SLC12A1: variants seen among roughly 807,000 people sequenced by gnomAD.
The protein encoded by SLC12A1 is Na-K-2Cl cotransporter.
Under a neutral mutation model 130.4 loss-of-function variants are expected in SLC12A1, and 89 were observed. The ratio of observed to expected loss-of-function variants is 0.68; its 90% CI spans 0.58 to 0.81. The LOEUF is 0.81. Ranked by LOEUF, SLC12A1 falls within the 40% of genes least tolerant of loss-of-function variation. The pLI is 0.00. For synonymous variants in SLC12A1, 499 were observed against 460.0 expected, an observed-to-expected ratio of 1.08 and a Z score of -1.09; for missense variants, 1,310 against 1,336.4, an observed-to-expected ratio of 0.98 and a Z score of 0.31.
Position 48,267,691 on chromosome 15 carries a change from GTCT to G in SLC12A1, c.2291_2293del (p.Leu764del), listed in dbSNP as rs779610205. 6.2e-6 allele frequency: 10 copies of G among 1,613,332 alleles called. No homozygotes were observed. In the East Asian group the frequency reaches 2.2e-4, roughly 36 times the overall value. Reference sequence around the variant, plus strand: ...GACTGTTTCAGGGATGGTGTCCGAAGTCTTCTTCAGGTAAGGCTGCATTGAGGG... The same window carrying G: ...GACTGTTTCAGGGATGGTGTCCGAAGTCTTCAGGTAAGGCTGCATTGAGGG... On this transcript the variant is annotated inframe_deletion, in exon 18 of 27. Coordinates refer to ENST00000380993, the MANE Select transcript of SLC12A1 (RefSeq NM_000338.3).
At chr15:48,249,529 G>A in intron 13 of SLC12A1, 46 bp from the exon 14 acceptor site, 2 of 1,383,430 alleles carry the variant, frequency 1.4e-6, no homozygotes, top group South Asian at 2.3e-5. Flanking sequence ...TTCAGCCCCT[G>A]GTCTCATCAC....
intron 24 of SLC12A1, among the ~76,000 whole-genome samples, chr15:48,295,075 C>G (rs1348934660): frequency 1.5e-5 from 2 of 136,162 alleles, no homozygotes; most frequent in African/African-American, 5.4e-5. Context: ...CTATACCCAG[C>G]TTTTTTTTTT....
At chr15:48,236,972 G>A (rs1207217909) in intron 9 of SLC12A1, 4 of 699,772 alleles carry the variant, frequency 5.7e-6, no homozygotes, top group Non-Finnish European at 1.0e-5. Flanking sequence ...CTCACTGAGT[G>A]CCTGTTCACA....
intron 5 of SLC12A1, chr15:48,227,064 TG>T (rs1567309473): frequency 1.9e-6 from 3 of 1,539,886 alleles, no homozygotes; most frequent in Non-Finnish European, 2.6e-6. Flanking sequence ...ACACCTTTCT[TG>T]GGGGATTTTG....
chr15:48,240,116 T>C (rs1490712173), intron 9 of SLC12A1, among the ~76,000 whole-genome samples: 2 of 140,126 alleles, frequency 1.4e-5, no homozygotes, highest in South Asian at 2.2e-4. Flanking sequence ...TATATCCATA[T>C]ATATATATAT....
rs2042083000 is a variant in SLC12A1, at chr15:48,288,449, T to C, written c.2806T>C (p.Trp936Arg). 1 of 1,554,000 alleles carries C rather than the reference T, an allele frequency of 6.4e-7. No individual in the cohort carries two copies. Among genetic ancestry groups the C allele is most frequent in the Non-Finnish European group, 8.7e-7 (1 of 1,145,796 alleles). The change falls in exon 23 of 27, where the codon TGG becomes CGG. Residue 936 changes from tryptophan (W) to arginine (R), a missense_variant. Coordinates refer to ENST00000380993, the MANE Select transcript of SLC12A1 (RefSeq NM_000338.3). ...IPYILTLRKK[W>R]KDCKLRIYVG... ...CTATATCTTAACTCTCAGAAAAAAA[T>C]GGAAAGACTGTAAATTAAGAATCTA...
intron 4 of SLC12A1, 152 bp from the exon 5 acceptor site, chr15:48,226,324 G>A (rs974110199): frequency 1.8e-6 from 1 of 561,606 alleles, no homozygotes; most frequent in Non-Finnish European, 3.1e-6. Flanking sequence ...CTTTATGCCA[G>A]GCAAACCAGT....
Position 48,303,596 on chromosome 15 carries a change from A to C in SLC12A1, c.*711A>C, listed in dbSNP as rs777380116. The C allele has an allele frequency of 6.6e-6, 1 of 152,256 alleles. No individual in the cohort carries two copies. Among genetic ancestry groups the C allele is most frequent in the Non-Finnish European group, 1.5e-5 (1 of 68,036 alleles). 9.4% of individuals were successfully genotyped at this position (152,256 alleles called of 1,614,324 possible). ...TATTAACTAGATTAGAAGACACCAT[A>C]TACTCCAATAAAATGAAATATATTC... On this transcript the variant is annotated 3_prime_UTR_variant, in exon 27 of 27. Transcript: ENST00000380993.
At chr15:48,213,761 G>GATCCGCCCACCTCAACCTCCCA (rs2041084703) in intron 2 of SLC12A1, among the ~76,000 whole-genome samples, 3 of 152,006 alleles carry the variant, frequency 2.0e-5, no homozygotes, top group Non-Finnish European at 2.9e-5. Flanking sequence ...CTGACCTCGT[G>GATCCGCCCACCTCAACCTCCCA]ATCCGCCCAC....
In SLC12A1 at chr15:48,207,719, G is replaced by T. The variant is rs1339224978; in HGVS notation, c.-1G>T. ...GCTCAGTAAAAAATCAATTTTGGAA[G>T]ATGTCACTGAACAACTCTTCCAATG... On this transcript the variant is annotated 5_prime_UTR_variant, in exon 2 of 27. Coordinates refer to ENST00000380993, the MANE Select transcript of SLC12A1 (RefSeq NM_000338.3). The T allele has an allele frequency of 2.6e-6, 4 of 1,549,738 alleles. No homozygotes were observed. The South Asian group carries it at 5.1e-5, about 20-fold the overall frequency.
At chr15:48,221,449 C>A in intron 4 of SLC12A1, 1 of 687,024 alleles carries the variant, frequency 1.5e-6, no homozygotes, top group Non-Finnish European at 2.7e-6. Flanking sequence ...TGAACTTTTT[C>A]CAAAGAAAAT....
intron 26 of SLC12A1, among the ~76,000 whole-genome samples, chr15:48,301,877 C>G (rs1448789921): frequency 6.6e-6 from 1 of 152,124 alleles, no homozygotes; most frequent in African/African-American, 2.4e-5. Flanking sequence ...GTTAGGGTTG[C>G]GTCTACTGAA....
At chr15:48,233,922 G>A (rs28722623) in intron 8 of SLC12A1, among the ~76,000 whole-genome samples, 6,553 of 150,160 alleles carry the variant, frequency 0.044, 503 homozygotes, top group African/African-American at 0.15. Context: ...TTTCTTCTAG[G>A]TTGTTTCCTT....
In SLC12A1 at chr15:48,288,097, T is replaced by C. The variant is rs955402184; in HGVS notation, c.2684T>C (p.Leu895Pro). ...CATGTGGGAGAGTTCAACCAGAAAC[T>C]GGTGGAAGCCAGCACTCAATTTAAA... ...SMHVGEFNQKLVEASTQFKKK... is the reference protein window; with the variant it reads ...SMHVGEFNQKPVEASTQFKKK... Residue 895 changes from leucine to proline, a missense_variant, in exon 22 of 27, where the codon CTG (leucine) becomes CCG (proline). Coordinates refer to ENST00000380993, the MANE Select transcript of SLC12A1 (RefSeq NM_000338.3). 3 of 1,611,198 alleles carry C rather than the reference T, an allele frequency of 1.9e-6. No homozygotes were observed. The highest frequency in any genetic ancestry group is 3.4e-5 in the Admixed American group (2 of 59,568).
chr15:48,255,672 T>C (rs2041699187), intron 15 of SLC12A1, 139 bp from the exon 16 acceptor site: 1 of 616,650 alleles, frequency 1.6e-6, no homozygotes. Flanking sequence ...AATCCCACAC[T>C]ATATTTTCTC....
intron 15 of SLC12A1, among the ~76,000 whole-genome samples, chr15:48,255,451 A>AG (rs113932252): frequency 4.5e-4 from 68 of 151,730 alleles, no homozygotes; most frequent in Admixed American, 1.9e-3. Context: ...AAAAAAAAAA[A>AG]AAGAAGAATT....
At chr15:48,234,382 C>A (rs1381253185) in intron 8 of SLC12A1, among the ~76,000 whole-genome samples, 1 of 152,194 alleles carries the variant, frequency 6.6e-6, no homozygotes, top group Non-Finnish European at 1.5e-5. Context: ...TATATTTTGA[C>A]TTTTGGCAAA....
At chr15:48,274,863 A>G (rs1486269296) in intron 20 of SLC12A1, among the ~76,000 whole-genome samples, 1 of 152,226 alleles carries the variant, frequency 6.6e-6, no homozygotes, top group African/African-American at 2.4e-5. Context: ...AGAAATATAG[A>G]GGAATTCAAG....
chr15:48,211,891 T>C (rs1340218316), intron 2 of SLC12A1, among the ~76,000 whole-genome samples: 1 of 152,190 alleles, frequency 6.6e-6, no homozygotes, highest in Non-Finnish European at 1.5e-5. Flanking sequence ...GAGATCGTAA[T>C]TGAAGAAATT....
Sources: gnomAD v4.1 joint callset for allele counts (sites outside exome capture counted in the v4.1 genomes callset) on GRCh38, gnomAD v4.1.1 for gene constraint, MANE v1.5 for transcripts, NCBI Gene and HGNC (gene_info 2026-07-23, HGNC 2026-07-21) for gene names.